SLC7A1: variants seen among roughly 807,000 people sequenced by gnomAD.
The protein encoded by SLC7A1 is high affinity cationic amino acid transporter 1.
In SLC7A1, 10 loss-of-function variants were observed where a neutral mutation model predicts 53.9. The observed-to-expected ratio is 0.19, with a 90% CI of 0.11 to 0.31. The LOEUF is 0.31. SLC7A1 is among the 10% of genes least tolerant of loss of function. The pLI, the probability that SLC7A1 is intolerant of heterozygous loss-of-function variation, is 1.00. For missense variants in SLC7A1, 525 were observed against 827.2 expected, an observed-to-expected ratio of 0.63 and a Z score of 4.48; for synonymous variants, 342 against 338.7, an observed-to-expected ratio of 1.01 and a Z score of -0.11.
intron 1 of SLC7A1, among the ~76,000 whole-genome samples, chr13:29,564,669 G>A (rs564921095): frequency 6.6e-6 from 1 of 152,176 alleles, no homozygotes; most frequent in African/African-American, 2.4e-5. Flanking sequence ...GGAGGCACAG[G>A]TCCTGAGGAA....
At chr13:29,551,613 G>A (rs1232505799) in intron 2 of SLC7A1, among the ~76,000 whole-genome samples, 8 of 152,212 alleles carry the variant, frequency 5.3e-5, no homozygotes, top group Admixed American at 5.2e-4. Flanking sequence ...CCAGTGTTAG[G>A]TAACACCAGA....
chr13:29,514,706 A>T (rs1883503731), intron 12 of SLC7A1, 123 bp from the exon 13 acceptor site: 2 of 674,896 alleles, frequency 3.0e-6, no homozygotes, highest in African/African-American at 3.6e-5. Context: ...GCCTGGCATG[A>T]GCCCGCAGCC....
At chr13:29,594,374 T>C (rs989928598) in intron 1 of SLC7A1, among the ~76,000 whole-genome samples, 2 of 152,228 alleles carry the variant, frequency 1.3e-5, no homozygotes, top group Non-Finnish European at 2.9e-5. Flanking sequence ...GACGTGAGTA[T>C]TGGGAAATGT....
rs576952083 is a variant in SLC7A1 at position 29,517,989 on chromosome 13, A to G, written c.1293-199T>C. Among the ~76,000 whole-genome samples the G allele has an allele frequency of 3.9e-5, 6 of 152,358 alleles. No homozygotes were observed. In the South Asian group the frequency reaches 1.2e-3, roughly 32 times the overall value. On this transcript the variant is annotated intron_variant, in intron 9 of 12. Coordinates refer to ENST00000380752, the MANE Select transcript of SLC7A1 (RefSeq NM_003045.5). The stretch of plus-strand genomic sequence containing the variant: ...CCTCCCGCTGTTGCTTCTGGGGAAC[A>G]TCCTCCATGGTCTCTCCTTCGGGGC...
intron 1 of SLC7A1, among the ~76,000 whole-genome samples, chr13:29,583,563 C>T (rs183149422): frequency 2.0e-4 from 31 of 152,270 alleles, no homozygotes; most frequent in African/African-American, 6.7e-4. Flanking sequence ...CACAGGACCA[C>T]TCATGGGCAA....
At chr13:29,538,711 T>C (rs920607469) in intron 2 of SLC7A1, among the ~76,000 whole-genome samples, 1 of 152,202 alleles carries the variant, frequency 6.6e-6, no homozygotes, top group African/African-American at 2.4e-5. Flanking sequence ...CAACAAAGCG[T>C]TTAGTAAACA....
At position 29,580,230 on chromosome 13, in the gene SLC7A1, G is replaced by T. The variant is rs189496957; in HGVS notation, c.-115+15186C>A. Among the ~76,000 whole-genome samples the T allele has an allele frequency of 4.9e-3, 743 of 152,262 alleles. 4 individuals are homozygous for T. The highest frequency in any genetic ancestry group is 7.6e-3 in the Non-Finnish European group (514 of 68,018). On this transcript the variant is annotated intron_variant, in intron 1 of 12. Coordinates refer to ENST00000380752, the MANE Select transcript of SLC7A1 (RefSeq NM_003045.5). ...AACTCCAGGCCGTGACTGCTGAGGG[G>T]CCAGTGCATCCAGGAACTGCCATGC... is the stretch of plus-strand genomic sequence containing the variant.
At chr13:29,544,925 C>T (rs1245117239) in intron 2 of SLC7A1, among the ~76,000 whole-genome samples, 1 of 151,884 alleles carries the variant, frequency 6.6e-6, no homozygotes, top group African/African-American at 2.4e-5. Context: ...AGATGCTCCC[C>T]CAGGGCAAGG....
chr13:29,591,970 C>T (rs563518696), intron 1 of SLC7A1, among the ~76,000 whole-genome samples: 2 of 152,336 alleles, frequency 1.3e-5, no homozygotes, highest in South Asian at 2.1e-4. Flanking sequence ...TGCTTCCTAA[C>T]TTCACTACTG....
At chr13:29,567,330 A>G (rs535327026) in intron 1 of SLC7A1, among the ~76,000 whole-genome samples, 8 of 152,170 alleles carry the variant, frequency 5.3e-5, no homozygotes, top group Non-Finnish European at 1.0e-4. Context: ...ATGGTCCAGG[A>G]TCTCAAAAAG....
intron 2 of SLC7A1, among the ~76,000 whole-genome samples, chr13:29,544,586 AT>A (rs1469151010): frequency 2.0e-5 from 3 of 152,032 alleles, no homozygotes; most frequent in African/African-American, 7.2e-5. Context: ...ATCTGGGGAG[AT>A]TTTTTTAAGT....
Position 29,514,684 on chromosome 13 carries a change from C to T in SLC7A1, c.1787-101G>A, listed in dbSNP as rs555836131. ...CGGTCCCACAGCAAACCCTCTCAGG[C>T]GGCCTGCCCCTGCCTGGCATGAGCC... is the stretch of plus-strand genomic sequence containing the variant. On this transcript the variant is annotated intron_variant, in intron 12 of 12. Transcript: ENST00000380752. 3.3e-4 allele frequency: 272 copies of T among 830,296 alleles called. No individual in the cohort carries two copies. In the Middle Eastern group the frequency reaches 3.4e-3, roughly 10 times the overall value. The allele number at this position is 830,296 out of a possible 1,614,324, so 51.4% of individuals were successfully genotyped here.
rs150498173 is a variant in SLC7A1, at chr13:29,593,439, C to T, written c.-115+1977G>A. Reference sequence around the variant, plus strand: ...CTGAAGATGCCTCTGGAAGAGATAACTCCGAGACTCAAGTATCTCCAAGGT... The same window carrying T: ...CTGAAGATGCCTCTGGAAGAGATAATTCCGAGACTCAAGTATCTCCAAGGT... On this transcript the variant is annotated intron_variant, in intron 1 of 12. Transcript: ENST00000380752. Among the ~76,000 whole-genome samples, 17 of 152,322 alleles carry T rather than the reference C, an allele frequency of 1.1e-4. No homozygotes were observed. The South Asian group carries it at 1.9e-3, about 17-fold the overall frequency.
rs1001214231 is a variant in SLC7A1, at chr13:29,517,721, G to C, written c.1362C>G (p.Asp454Glu). The change falls in exon 10 of 13, where the codon GAC becomes GAG. Residue 454 changes from aspartate to glutamate, a missense_variant. Around this residue, in one of 4 missense-constraint regions of SLC7A1, gnomAD observed 122 missense variants for 140.9 expected, o/e 0.87. Coordinates refer to ENST00000380752, the MANE Select transcript of SLC7A1 (RefSeq NM_003045.5). ...ASTSDELDPA[D>E]QNELASTNDS... is the part of the protein sequence containing the mutation. ...CATTGGTGCTTGCCAATTCATTTTGGTCTGCTGGATCTAACTCGTCGGAAG... is the reference window on the plus strand; with the variant it reads ...CATTGGTGCTTGCCAATTCATTTTGCTCTGCTGGATCTAACTCGTCGGAAG... 4 of 1,614,028 alleles carry C rather than the reference G, an allele frequency of 2.5e-6. No individual in the cohort carries two copies. In the African/African-American group the frequency reaches 5.3e-5, roughly 22 times the overall value.
intron 1 of SLC7A1, among the ~76,000 whole-genome samples, chr13:29,563,061 G>C (rs1021999281): frequency 2.0e-5 from 3 of 152,244 alleles, no homozygotes; most frequent in African/African-American, 7.2e-5. Flanking sequence ...TAAATCTAAT[G>C]ATGGCTCCAA....
chr13:29,573,507 C>T (rs943535209), intron 1 of SLC7A1, among the ~76,000 whole-genome samples: 1 of 152,208 alleles, frequency 6.6e-6, no homozygotes, highest in African/African-American at 2.4e-5. Context: ...CAGAGAGTGT[C>T]TGACTCTGTG....
intron 2 of SLC7A1, among the ~76,000 whole-genome samples, chr13:29,550,142 A>G (rs1247158211): frequency 6.6e-6 from 1 of 152,212 alleles, no homozygotes; most frequent in Admixed American, 6.5e-5. Context: ...TTTCGTATAC[A>G]AACAACATGA....
chr13:29,552,017 A>G (rs1870212959), intron 2 of SLC7A1, among the ~76,000 whole-genome samples: 1 of 152,192 alleles, frequency 6.6e-6, no homozygotes, highest in Non-Finnish European at 1.5e-5. Context: ...ATTTCAAGGC[A>G]GGCTGCTCAA....
chr13:29,564,675 A>C (rs1467776180), intron 1 of SLC7A1, among the ~76,000 whole-genome samples: 1 of 152,238 alleles, frequency 6.6e-6, no homozygotes, highest in Admixed American at 6.5e-5. Flanking sequence ...ACAGGTCCTG[A>C]GGAAGACATT....
Sources: allele counts gnomAD v4.1 joint callset (sites outside exome capture counted in the v4.1 genomes callset), GRCh38; gene constraint gnomAD v4.1.1; regional missense constraint gnomAD v4.1.1; transcripts MANE v1.5; gene names NCBI Gene and HGNC (gene_info 2026-07-23, HGNC 2026-07-21).